DDX43: variants seen among roughly 807,000 people sequenced by gnomAD.
DDX43 encodes probable ATP-dependent RNA helicase DDX43.
In DDX43, 50 loss-of-function variants were observed where a neutral mutation model predicts 84.9. That is an observed-to-expected ratio of 0.59 (90% CI 0.47 to 0.75). The LOEUF is 0.75. DDX43 is among the 30% of genes least tolerant of loss of function. The probability of loss-of-function intolerance (pLI) is 0.00; values close to 1 mark genes in which losing one functional copy is unlikely to be tolerated. For synonymous variants in DDX43, 291 were observed against 266.3 expected (o/e 1.09, Z -0.90); for missense variants, 689 against 798.6 (o/e 0.86, Z 1.65).
intron 5 of DDX43, among the ~76,000 whole-genome samples, chr6:73,405,114 A>G (rs1043214644): frequency 6.3e-5 from 9 of 142,244 alleles, no homozygotes; most frequent in African/African-American, 2.1e-4. Flanking sequence ...AGTTGAATTG[A>G]AAAAAAAAAA....
chr6:73,409,531 T>A (rs1769746682), intron 10 of DDX43, among the ~76,000 whole-genome samples, 183 bp downstream of exon 10: 1 of 152,234 alleles, frequency 6.6e-6, no homozygotes, highest in African/African-American at 2.4e-5. Flanking sequence ...CTATTGGGTT[T>A]CCTAAGTTAC....
intron 10 of DDX43, among the ~76,000 whole-genome samples, chr6:73,409,656 A>G (rs1459548070): frequency 3.9e-5 from 6 of 152,240 alleles, no homozygotes; most frequent in African/African-American, 1.4e-4. Context: ...ATTGCTCACA[A>G]TAAAACAGGA....
chr6:73,408,159 G>T, intron 9 of DDX43, 58 bp downstream of exon 9: 1 of 1,572,864 alleles, frequency 6.4e-7, no homozygotes, highest in South Asian at 1.1e-5. Context: ...AACTGGCCGG[G>T]CGCAGTGGGT....
At chr6:73,403,791 A>G (rs1769621158) in intron 4 of DDX43, among the ~76,000 whole-genome samples, 2 of 151,512 alleles carry the variant, frequency 1.3e-5, no homozygotes, top group East Asian at 3.9e-4. Context: ...TTGGGACTAC[A>G]GGCACATACC....
intron 2 of DDX43, 32 bp from the exon 3 acceptor site, chr6:73,400,202 T>G: frequency 1.3e-6 from 2 of 1,547,302 alleles, no homozygotes; most frequent in Non-Finnish European, 8.7e-7. Flanking sequence ...AGGGAAATTT[T>G]AAGTCTCACC....
chr6:73,395,393 T>C (rs976716134), intron 1 of DDX43, among the ~76,000 whole-genome samples: 6 of 151,870 alleles, frequency 4.0e-5, no homozygotes, highest in African/African-American at 7.3e-5. Flanking sequence ...TCACCCCAGG[T>C]CAGGAATTCG....
At chr6:73,410,394 C>G (rs927294954) in intron 10 of DDX43, among the ~76,000 whole-genome samples, 11 of 152,236 alleles carry the variant, frequency 7.2e-5, no homozygotes, top group African/African-American at 2.6e-4. Flanking sequence ...AAACTCCTGA[C>G]CTCAGGTGAT....
Position 73,412,108 on chromosome 6 carries a change from A to G in DDX43, c.1281-97A>G. The G allele has an allele frequency of 4.0e-6, 4 of 1,001,630 alleles. No homozygotes were observed. The South Asian group carries it at 6.1e-5, about 15-fold the overall frequency. The allele number at this position is 1,001,630 out of a possible 1,614,324, so 62.0% of individuals were successfully genotyped here. On this transcript the variant is annotated intron_variant, in intron 10 of 16. Coordinates refer to ENST00000370336, the MANE Select transcript of DDX43 (RefSeq NM_018665.3). ...TACTTATTGAAAAAATAAGTACTAA[A>G]TTTGTCTTTCATGAGTAACTTGGTT...
At chr6:73,416,788 G>C (rs751020357) in intron 16 of DDX43, among the ~76,000 whole-genome samples, 1 of 152,166 alleles carries the variant, frequency 6.6e-6, no homozygotes, top group Admixed American at 6.6e-5. Flanking sequence ...TTTAATCCCA[G>C]CACTTTTTGG....
intron 10 of DDX43, among the ~76,000 whole-genome samples, chr6:73,409,958 A>G (rs1483121172): frequency 6.7e-6 from 1 of 150,322 alleles, no homozygotes; most frequent in Non-Finnish European, 1.5e-5. Context: ...TGAACCTGGG[A>G]GGTAGAGGTT....
intron 1 of DDX43, 29 bp downstream of exon 1, chr6:73,395,184 G>A: frequency 6.3e-7 from 1 of 1,579,426 alleles, no homozygotes; most frequent in Admixed American, 1.9e-5. Flanking sequence ...GGCAGGGCAG[G>A]ATAGGTGGGG....
chr6:73,397,588 T>C (rs981126652), intron 1 of DDX43, 101 bp from the exon 2 acceptor site: 2 of 912,432 alleles, frequency 2.2e-6, no homozygotes, highest in African/African-American at 1.7e-5. Context: ...CTAGGAGCAT[T>C]TGGGGGGAAG....
At chr6:73,405,097 C>T (rs1282154411) in intron 5 of DDX43, among the ~76,000 whole-genome samples, 4 of 150,082 alleles carry the variant, frequency 2.7e-5, no homozygotes, top group Non-Finnish European at 5.9e-5. Flanking sequence ...AGAATTATTT[C>T]TCCAATAGTT....
intron 4 of DDX43, among the ~76,000 whole-genome samples, chr6:73,403,008 A>G (rs1388862843): frequency 2.0e-5 from 3 of 152,262 alleles, no homozygotes; most frequent in Non-Finnish European, 4.4e-5. Flanking sequence ...TTTAAAATTC[A>G]AAAGCACTAA....
intron 11 of DDX43, among the ~76,000 whole-genome samples, chr6:73,412,678 C>CGCGCGT (rs143068937): frequency 0.03 from 2,288 of 76,246 alleles, 63 homozygotes; most frequent in Middle Eastern, 0.1. Context: ...TGCGCGCGCG[C>CGCGCGT]GTGTGTGTGT....
intron 2 of DDX43, among the ~76,000 whole-genome samples, chr6:73,398,424 G>A (rs954710516): frequency 1.5e-4 from 23 of 151,488 alleles, no homozygotes; most frequent in African/African-American, 4.8e-4. Flanking sequence ...GCTAATTTTT[G>A]TATTTTTAGT....
At chr6:73,409,898 C>T (rs1008638837) in intron 10 of DDX43, among the ~76,000 whole-genome samples, 2 of 151,896 alleles carry the variant, frequency 1.3e-5, no homozygotes, top group East Asian at 1.9e-4. Context: ...GGCATAGTGG[C>T]GCACACTTGT....
chr6:73,412,276 G>A lies in DDX43; in HGVS notation c.1352G>A (p.Gly451Asp). Reference protein sequence around the residue: ...YLKEPMIVYVGTLDLVAVSSV... With the variant: ...YLKEPMIVYVDTLDLVAVSSV... ...AAAGAACCAATGATTGTCTATGTTG[G>A]TACATTGGATCTAGTTGTAAGCTTT... is the stretch of plus-strand genomic sequence containing the variant. Residue 451 changes from glycine (G) to aspartate (D), a missense_variant, in exon 11 of 17, where the codon GGT becomes GAT. Around this residue, in one of 2 missense-constraint regions of DDX43, gnomAD observed 552 missense variants for 692.7 expected, o/e 0.80. Transcript: ENST00000370336. The A allele has an allele frequency of 1.2e-6, 2 of 1,611,802 alleles. No homozygotes were observed. The highest frequency in any genetic ancestry group is 1.7e-6 in the Non-Finnish European group (2 of 1,179,236).
intron 4 of DDX43, among the ~76,000 whole-genome samples, chr6:73,402,868 C>G (rs550880063): frequency 6.6e-6 from 1 of 152,114 alleles, no homozygotes; most frequent in Non-Finnish European, 1.5e-5. Context: ...CGTGAGCCAC[C>G]CCACCCAGCC....
Sources: gnomAD v4.1 joint callset for allele counts (sites outside exome capture counted in the v4.1 genomes callset) on GRCh38, gnomAD v4.1.1 for gene constraint, gnomAD v4.1.1 regional missense constraint, MANE v1.5 for transcripts, NCBI Gene and HGNC (gene_info 2026-07-23, HGNC 2026-07-21) for gene names.